MAP2K4: variants seen among roughly 807,000 people sequenced by gnomAD.
MAP2K4 encodes the protein dual specificity mitogen-activated protein kinase kinase 4.
MAP2K4 carries 4 observed loss-of-function variants against 48.5 expected under a neutral mutation model. That is an observed-to-expected ratio of 0.08 (90% CI 0.04 to 0.19). The LOEUF (loss-of-function observed/expected upper bound fraction) is 0.19. Ranked by LOEUF, MAP2K4 falls within the 10% of genes least tolerant of loss-of-function variation. The probability of loss-of-function intolerance (pLI) is 1.00; values close to 1 mark genes in which losing one functional copy is unlikely to be tolerated. For synonymous variants in MAP2K4, 166 were observed against 173.1 expected (o/e 0.96, Z 0.32); for missense variants, 258 against 493.3 (o/e 0.52, Z 4.52).
In MAP2K4 at chr17:12,081,343, A is replaced by G. The variant is rs762084410; in HGVS notation, c.219-13A>G. On this transcript the variant is annotated splice_polypyrimidine_tract_variant and intron_variant, in intron 2 of 10. Coordinates refer to ENST00000353533, the MANE Select transcript of MAP2K4 (RefSeq NM_003010.4). The surrounding 1 kb of genome is among the most constrained non-coding windows in gnomAD (Gnocchi z 4.2). ...TTAAAATGTGGAAAAATTGCTTCCC[A>G]ATATTTTAACAGAGAGAGACTGAGA... 4 of 1,583,990 alleles carry G rather than the reference A, an allele frequency of 2.5e-6. No individual in the cohort carries two copies. The South Asian group carries it at 4.7e-5, about 19-fold the overall frequency.
rs71947375 is a variant in MAP2K4 at position 12,095,895 on chromosome 17, T to TTGTGTGTGTGTGTG, written c.513+221_513+234dup. Reference sequence around the variant, plus strand: ...GGTAAGGGGTGAATCACACGTGTGTTTGTGTGTGTGTGTGTGTGTGTGTGT... The same window carrying TTGTGTGTGTGTGTG: ...GGTAAGGGGTGAATCACACGTGTGTTTGTGTGTGTGTGTGTGTGTGTGTGTGTGTGTGTGTGTGT... On this transcript the variant is annotated intron_variant, in intron 4 of 10. Transcript: ENST00000353533. Among the ~76,000 whole-genome samples, 726 of 147,382 alleles carry TTGTGTGTGTGTGTG rather than the reference T, an allele frequency of 4.9e-3. 4 individuals are homozygous for TTGTGTGTGTGTGTG. The highest frequency in any genetic ancestry group is 0.018 in the African/African-American group (698 of 39,680).
intron 1 of MAP2K4, among the ~76,000 whole-genome samples, chr17:12,033,247 A>G (rs1969494136): frequency 6.6e-6 from 1 of 152,224 alleles, no homozygotes; most frequent in South Asian, 2.1e-4. Context: ...AAAATATGAT[A>G]TAAGTCGTTT....
At chr17:12,133,220 T>C (rs1973089462) in intron 9 of MAP2K4, among the ~76,000 whole-genome samples, 1 of 152,136 alleles carries the variant, frequency 6.6e-6, no homozygotes, top group African/African-American at 2.4e-5. Context: ...TAGCTGGGAC[T>C]ACAGGCTCAT....
chr17:12,131,001 A>G (rs540136257), intron 9 of MAP2K4, among the ~76,000 whole-genome samples: 1 of 152,136 alleles, frequency 6.6e-6, no homozygotes, highest in Non-Finnish European at 1.5e-5. Context: ...GATTTTGGAG[A>G]AATGAAAATC....
At position 12,115,840 on chromosome 17, in the gene MAP2K4, G is replaced by C. The variant is rs575544840; in HGVS notation, c.813+2480G>C. On this transcript the variant is annotated intron_variant, in intron 7 of 10. Transcript: ENST00000353533. ...ACAGGAGCTGCACTGTGCGATGGGA[G>C]AATAAAACCATGTACTGCATCGTCG... 1.8e-4 allele frequency: 129 copies of C among 706,548 alleles called. No homozygotes were observed. In the African/African-American group the frequency reaches 2.0e-3, roughly 11 times the overall value. The allele number at this position is 706,548 out of a possible 1,614,324, so 43.8% of individuals were successfully genotyped here.
intron 2 of MAP2K4, among the ~76,000 whole-genome samples, chr17:12,080,754 G>A (rs2151548097): frequency 6.6e-6 from 1 of 152,244 alleles, no homozygotes; most frequent in African/African-American, 2.4e-5. Context: ...AACATTACTG[G>A]AATCATCTGG....
In MAP2K4 at chr17:12,118,447, G is replaced by A. The variant is rs140547248; in HGVS notation, c.813+5087G>A. Among the ~76,000 whole-genome samples, 395 of 152,196 alleles carry A rather than the reference G, an allele frequency of 2.6e-3. 3 individuals carry two copies. The highest frequency in any genetic ancestry group is 8.9e-3 in the African/African-American group (370 of 41,528). Reference sequence around the variant, plus strand: ...ATTATTATACTAATCAAAAGGCCTGGATCACTCGGGATACCTTTTCTGATT... The same window carrying A: ...ATTATTATACTAATCAAAAGGCCTGAATCACTCGGGATACCTTTTCTGATT... On this transcript the variant is annotated intron_variant, in intron 7 of 10. Transcript: ENST00000353533.
At chr17:12,064,421 A>G (rs1001124647) in intron 2 of MAP2K4, among the ~76,000 whole-genome samples, 2 of 152,230 alleles carry the variant, frequency 1.3e-5, no homozygotes, top group Non-Finnish European at 2.9e-5. Context: ...AGACTCTGAT[A>G]GACACTTCAC....
intron 1 of MAP2K4, among the ~76,000 whole-genome samples, chr17:12,045,960 T>C (rs1478755323): frequency 1.3e-5 from 2 of 152,238 alleles, no homozygotes; most frequent in Admixed American, 6.5e-5. Flanking sequence ...AAATGCTGAG[T>C]ACCTTTACTG....
chr17:12,095,081 T>G (rs1172547358), intron 3 of MAP2K4, among the ~76,000 whole-genome samples: 1 of 152,190 alleles, frequency 6.6e-6, no homozygotes, highest in East Asian at 1.9e-4. Context: ...CTGGACTATT[T>G]CCCGTCTTTA....
At chr17:12,046,595 G>T (rs1251134325) in intron 1 of MAP2K4, among the ~76,000 whole-genome samples, 1 of 152,166 alleles carries the variant, frequency 6.6e-6, no homozygotes, top group Non-Finnish European at 1.5e-5. Context: ...TAGCTCAAAG[G>T]TGTGGCTGGC....
chr17:12,035,328 A>T (rs1969559027), intron 1 of MAP2K4, among the ~76,000 whole-genome samples: 1 of 152,084 alleles, frequency 6.6e-6, no homozygotes, highest in African/African-American at 2.4e-5. Context: ...GACCAGCCAG[A>T]CCAACATGGA....
At chr17:12,088,802 G>A (rs1971468230) in intron 3 of MAP2K4, among the ~76,000 whole-genome samples, 1 of 150,804 alleles carries the variant, frequency 6.6e-6, no homozygotes, top group African/African-American at 2.4e-5. Context: ...GTGGACAACT[G>A]TCATCATAGG....
At chr17:12,082,049 G>A in intron 3 of MAP2K4, 2 of 428,712 alleles carry the variant, frequency 4.7e-6, no homozygotes, top group South Asian at 3.4e-5. Context: ...GTACTGCCCT[G>A]TTCCCTGGTT....
chr17:12,117,830 C>T (rs1287795991), intron 7 of MAP2K4, among the ~76,000 whole-genome samples: 1 of 152,054 alleles, frequency 6.6e-6, no homozygotes, highest in Non-Finnish European at 1.5e-5. Context: ...CATATATGAC[C>T]TGAAGAAACA....
At chr17:12,122,463 T>C (rs1429006094) in intron 7 of MAP2K4, among the ~76,000 whole-genome samples, 3 of 152,222 alleles carry the variant, frequency 2.0e-5, no homozygotes, top group Admixed American at 6.5e-5. Flanking sequence ...AATACTGTTA[T>C]TGGGAGTGGA....
intron 9 of MAP2K4, among the ~76,000 whole-genome samples, chr17:12,137,470 A>C (rs896293061): frequency 6.6e-6 from 1 of 152,202 alleles, no homozygotes; most frequent in African/African-American, 2.4e-5. Flanking sequence ...AAATGGAAAA[A>C]TCATAGCTGT....
At chr17:12,029,874 T>C (rs1969377072) in intron 1 of MAP2K4, among the ~76,000 whole-genome samples, 1 of 150,738 alleles carries the variant, frequency 6.6e-6, no homozygotes, top group East Asian at 2.0e-4. Flanking sequence ...GCTATGATCA[T>C]GCCACTGCAC....
chr17:12,122,001 A>G (rs980708106), intron 7 of MAP2K4, among the ~76,000 whole-genome samples: 2 of 152,222 alleles, frequency 1.3e-5, no homozygotes, highest in South Asian at 4.1e-4. Flanking sequence ...TAAGGAGTTC[A>G]TGGTTTTTCG....
Sources: gnomAD v4.1 joint callset for allele counts (sites outside exome capture counted in the v4.1 genomes callset) on GRCh38, gnomAD v4.1.1 for gene constraint, Gnocchi (gnomAD v3.1) non-coding constraint, MANE v1.5 for transcripts, NCBI Gene and HGNC (gene_info 2026-07-23, HGNC 2026-07-21) for gene names.